COPS3: variants seen among roughly 807,000 people sequenced by gnomAD.
The protein encoded by COPS3 is COP9 signalosome subunit 3.
A neutral mutation model predicts 58.2 loss-of-function variants in COPS3; 10 were observed. The observed-to-expected ratio is 0.17, with a 90% CI of 0.11 to 0.29. The LOEUF is 0.29. Ranked by LOEUF, COPS3 falls within the 10% of genes least tolerant of loss-of-function variation. The probability of loss-of-function intolerance (pLI) is 1.00; values close to 1 mark genes in which losing one functional copy is unlikely to be tolerated. For synonymous variants in COPS3, 187 were observed against 181.7 expected (o/e 1.03, Z -0.24); for missense variants, 333 against 510.1 (o/e 0.65, Z 3.34).
intron 5 of COPS3, among the ~76,000 whole-genome samples, chr17:17,267,048 AAGTTACAGGCCGGGCAC>A (rs1459593967): frequency 6.6e-6 from 1 of 151,252 alleles, no homozygotes; most frequent in Non-Finnish European, 1.5e-5. Context: ...ATTTTAAAAA[AAGTTACAGGCCGGGCAC>A]AGTGGCTCAC....
At chr17:17,266,894 G>C (rs1042419167) in intron 5 of COPS3, among the ~76,000 whole-genome samples, 1 of 151,444 alleles carries the variant, frequency 6.6e-6, no homozygotes, top group African/African-American at 2.4e-5. Flanking sequence ...TTTTAGTAGA[G>C]ATGGGATTTC....
At chr17:17,274,404 G>A (rs1284772592) in intron 2 of COPS3, among the ~76,000 whole-genome samples, 1 of 88,346 alleles carries the variant, frequency 1.1e-5, no homozygotes, top group Non-Finnish European at 2.4e-5. Context: ...AAAAGATGTA[G>A]TAGAAATTAT....
chr17:17,266,266 T>C (rs2048219080), intron 5 of COPS3, among the ~76,000 whole-genome samples: 1 of 152,160 alleles, frequency 6.6e-6, no homozygotes, highest in Non-Finnish European at 1.5e-5. Flanking sequence ...ATATGTTAAA[T>C]ACAAAAAGCA....
intron 8 of COPS3, among the ~76,000 whole-genome samples, chr17:17,259,186 C>T (rs1261699734): frequency 6.6e-6 from 1 of 152,180 alleles, no homozygotes; most frequent in Non-Finnish European, 1.5e-5. Context: ...TCGTCCCCAA[C>T]CATGCATCAC....
At chr17:17,280,875 G>C in intron 1 of COPS3, 6 of 1,067,588 alleles carry the variant, frequency 5.6e-6, no homozygotes, top group Non-Finnish European at 7.7e-6. Flanking sequence ...GGTGGAAGGG[G>C]CCCAGGCCGG....
intron 2 of COPS3, among the ~76,000 whole-genome samples, chr17:17,273,491 T>A (rs1211486259): frequency 6.6e-6 from 1 of 152,086 alleles, no homozygotes; most frequent in Non-Finnish European, 1.5e-5. Context: ...ACACCTGTAA[T>A]CCTAGCACTT....
chr17:17,274,744 T>A (rs916572089), intron 2 of COPS3, among the ~76,000 whole-genome samples: 4 of 151,498 alleles, frequency 2.6e-5, no homozygotes, highest in Admixed American at 1.3e-4. Flanking sequence ...GAAATTACAT[T>A]TCAATCGTGC....
chr17:17,281,204 C>A lies in COPS3; in HGVS notation c.-18G>T. On this transcript the variant is annotated 5_prime_UTR_variant, in exon 1 of 12. Transcript: ENST00000268717. ...GACGCCATGTTTTCCCCCGGGCGGC[C>A]CGAGCGGCGAAGGCAGCACGCGCGG... 6.2e-7 allele frequency: 1 copy of A among 1,607,010 alleles called. No homozygotes were observed. Among genetic ancestry groups the A allele is most frequent in the Non-Finnish European group, 8.5e-7 (1 of 1,177,106 alleles).
chr17:17,263,460 G>C (rs112232326), intron 6 of COPS3, among the ~76,000 whole-genome samples: 4 of 147,976 alleles, frequency 2.7e-5, no homozygotes, highest in African/African-American at 9.9e-5. Flanking sequence ...CGGCCTCCCA[G>C]TGTGCTGGGA....
At chr17:17,252,903 G>A (rs1166141323) in intron 9 of COPS3, among the ~76,000 whole-genome samples, 1 of 152,130 alleles carries the variant, frequency 6.6e-6, no homozygotes, top group African/African-American at 2.4e-5. Context: ...AAACCCTTTA[G>A]AACACTTGTA....
intron 9 of COPS3, among the ~76,000 whole-genome samples, chr17:17,253,640 AG>A (rs1465125463): frequency 2.0e-5 from 3 of 152,182 alleles, no homozygotes; most frequent in Non-Finnish European, 4.4e-5. Flanking sequence ...TCAGAATGTC[AG>A]TCAATGATGT....
intron 7 of COPS3, among the ~76,000 whole-genome samples, chr17:17,261,243 AGGGCC>A (rs1189004522): frequency 6.6e-6 from 1 of 152,096 alleles, no homozygotes; most frequent in Non-Finnish European, 1.5e-5. Flanking sequence ...GAAGGAAGAC[AGGGCC>A]GGGCATGGTG....
intron 5 of COPS3, among the ~76,000 whole-genome samples, chr17:17,266,292 T>C (rs1167518849): frequency 6.6e-6 from 1 of 152,240 alleles, no homozygotes; most frequent in African/African-American, 2.4e-5. Context: ...CATAAGAGTA[T>C]GCATAGATTA....
At chr17:17,268,867 T>G (rs1285679480) in intron 4 of COPS3, among the ~76,000 whole-genome samples, 2 of 151,808 alleles carry the variant, frequency 1.3e-5, no homozygotes, top group East Asian at 3.9e-4. Flanking sequence ...TATATATATA[T>G]GTGAAGAGAC....
At chr17:17,261,877 T>A (rs894998782) in intron 7 of COPS3, 89 bp downstream of exon 7, 23 of 1,196,752 alleles carry the variant, frequency 1.9e-5, no homozygotes, top group South Asian at 4.6e-5. Context: ...TAAATCAGTA[T>A]AAAACGAAGT....
At chr17:17,280,917 G>C (rs1296375284) in intron 1 of COPS3, 1 of 888,848 alleles carries the variant, frequency 1.1e-6, no homozygotes, top group South Asian at 1.9e-5. Context: ...CCGAGGGAGG[G>C]GAGGCCGGCC....
At chr17:17,261,718 G>A (rs765556472) in intron 7 of COPS3, 1 of 459,838 alleles carries the variant, frequency 2.2e-6, no homozygotes, top group Non-Finnish European at 4.0e-6. Context: ...AAAATCAACT[G>A]TTATAGGAGC....
chr17:17,278,676 T>A (rs1006200789), intron 1 of COPS3, among the ~76,000 whole-genome samples: 1 of 152,092 alleles, frequency 6.6e-6, no homozygotes, highest in Non-Finnish European at 1.5e-5. Context: ...CACCCAGAAA[T>A]AAGCATTGCA....
intron 2 of COPS3, among the ~76,000 whole-genome samples, chr17:17,271,789 C>T (rs1300521236): frequency 6.7e-6 from 1 of 149,108 alleles, no homozygotes. Context: ...CACTGCACTC[C>T]AGCCTGGGCA....
Sources: allele counts gnomAD v4.1 joint callset (sites outside exome capture counted in the v4.1 genomes callset), GRCh38; gene constraint gnomAD v4.1.1; transcripts MANE v1.5; gene names NCBI Gene and HGNC (gene_info 2026-07-23, HGNC 2026-07-21).